The following DGKB variants were observed in gnomAD, a reference collection of about 807,000 sequenced individuals.
DGKB encodes 90 kDa diacylglycerol kinase.
In DGKB, 67 loss-of-function variants were observed where a neutral mutation model predicts 114.3. That is an observed-to-expected ratio of 0.59 (90% CI 0.48 to 0.72). The LOEUF (loss-of-function observed/expected upper bound fraction) is 0.72. DGKB is among the 30% of genes least tolerant of loss of function. DGKB has a pLI of 0.00. For synonymous variants in DGKB, 398 were observed against 323.1 expected (o/e 1.23, Z -2.49); for missense variants, 907 against 975.2 (o/e 0.93, Z 0.93).
chr7:14,233,019 A>G (rs1027687140), intron 23 of DGKB, among the ~76,000 whole-genome samples: 45 of 152,214 alleles, frequency 3.0e-4, no homozygotes, highest in Middle Eastern at 3.4e-3. Flanking sequence ...TTTTTGCTAC[A>G]CAAAGACTAT....
rs1476525234 is a variant in DGKB at position 14,755,127 on chromosome 7, T to C, written c.148-1179A>G. 2.6e-5 allele frequency among the ~76,000 whole-genome samples: 4 copies of C among 152,188 alleles called. No homozygotes were observed. The South Asian group carries it at 6.2e-4, about 24-fold the overall frequency. On this transcript the variant is annotated intron_variant, in intron 3 of 25. Transcript: ENST00000402815. ...TTGAATGGTTTTTATTCCTACAGAA[T>C]CTTTAAGGCTATTGTTTAGATTTCT...
chr7:14,726,241 GC>G (rs1480719124), intron 5 of DGKB, among the ~76,000 whole-genome samples: 1 of 152,106 alleles, frequency 6.6e-6, no homozygotes, highest in Non-Finnish European at 1.5e-5. Flanking sequence ...CCAGGTTCAA[GC>G]GATTCTCCTG....
chr7:14,443,545 T>C (rs527784307), intron 21 of DGKB, among the ~76,000 whole-genome samples: 29 of 152,202 alleles, frequency 1.9e-4, no homozygotes, highest in African/African-American at 6.3e-4. Flanking sequence ...CAATTATTTG[T>C]TTCAGAACTT....
At chr7:14,552,600 C>T (rs376953341) in intron 20 of DGKB, among the ~76,000 whole-genome samples, 1 of 152,142 alleles carries the variant, frequency 6.6e-6, no homozygotes, top group East Asian at 1.9e-4. Flanking sequence ...AATATGTCAC[C>T]ATGTTTTTTA....
At chr7:14,761,959 T>C (rs981075651) in intron 2 of DGKB, among the ~76,000 whole-genome samples, 25 of 152,226 alleles carry the variant, frequency 1.6e-4, no homozygotes, top group African/African-American at 5.8e-4. Flanking sequence ...CTTGGGGAAA[T>C]TCTGAAACAT....
chr7:14,952,527 T>A (rs987844910), intron 1 of DGKB, among the ~76,000 whole-genome samples: 2 of 149,294 alleles, frequency 1.3e-5, no homozygotes, highest in Non-Finnish European at 3.0e-5. Flanking sequence ...GCTGGAAGAG[T>A]TGAAATAATC....
chr7:14,272,146 CAACT>C (rs1476696109), intron 23 of DGKB, among the ~76,000 whole-genome samples: 7 of 152,100 alleles, frequency 4.6e-5, no homozygotes, highest in East Asian at 3.9e-4. Flanking sequence ...TCATGCTAAC[CAACT>C]GTTATTTATA....
At chr7:14,515,921 T>C (rs1259313457) in intron 20 of DGKB, among the ~76,000 whole-genome samples, 1 of 152,176 alleles carries the variant, frequency 6.6e-6, no homozygotes, top group Non-Finnish European at 1.5e-5. Context: ...CATGACTCTC[T>C]GCAGCCTTGA....
In DGKB at chr7:14,607,623, A is replaced by G. The variant is rs867512916; in HGVS notation, c.1359-115T>C. On this transcript the variant is annotated intron_variant, in intron 16 of 25. Coordinates refer to ENST00000402815, the MANE Select transcript of DGKB (RefSeq NM_001350709.2). ...GTTGCAATTAATTATATAATTTAAT[A>G]AAAAATTTCTATCAATTTAATAAAT... 1.1e-5 allele frequency: 4 copies of G among 353,794 alleles called. 1 individual carries two copies. Among genetic ancestry groups the G allele is most frequent in the Middle Eastern group, 8.6e-4 (1 of 1,160 alleles). 21.9% of individuals were successfully genotyped at this position (353,794 alleles called of 1,614,324 possible).
intron 21 of DGKB, among the ~76,000 whole-genome samples, chr7:14,450,036 A>G (rs1337157561): frequency 6.6e-6 from 1 of 152,056 alleles, no homozygotes; most frequent in Non-Finnish European, 1.5e-5. Flanking sequence ...GGCGACAGGA[A>G]CTAATTTTGA....
intron 1 of DGKB, among the ~76,000 whole-genome samples, chr7:14,922,719 ACT>A (rs1168946548): frequency 1.3e-5 from 2 of 151,922 alleles, no homozygotes; most frequent in Non-Finnish European, 2.9e-5. Context: ...TGATTTTAAA[ACT>A]CTTATGAAAT....
chr7:14,242,760 C>T (rs2128369072), intron 23 of DGKB, among the ~76,000 whole-genome samples: 2 of 152,144 alleles, frequency 1.3e-5, no homozygotes, highest in South Asian at 4.2e-4. Context: ...CCTTCATAAC[C>T]TCCAAGTCAA....
intron 21 of DGKB, among the ~76,000 whole-genome samples, chr7:14,414,718 C>A (rs1234515382): frequency 6.6e-6 from 1 of 151,992 alleles, no homozygotes; most frequent in Non-Finnish European, 1.5e-5. Flanking sequence ...TTTGTAGGTC[C>A]TGTGTAAGTG....
chr7:14,349,523 A>T (rs1285258279), intron 21 of DGKB, among the ~76,000 whole-genome samples: 2 of 152,178 alleles, frequency 1.3e-5, no homozygotes, highest in Admixed American at 6.6e-5. Context: ...TAGCAAACAT[A>T]TCACAAGAAA....
At chr7:14,507,996 G>C (rs1033719398) in intron 20 of DGKB, among the ~76,000 whole-genome samples, 10 of 152,014 alleles carry the variant, frequency 6.6e-5, no homozygotes, top group African/African-American at 2.2e-4. Context: ...GGCTACTGTG[G>C]GTAACAACAA....
intron 7 of DGKB, 125 bp downstream of exon 7, chr7:14,701,556 G>T: frequency 1.5e-6 from 1 of 665,134 alleles, no homozygotes; most frequent in Non-Finnish European, 2.7e-6. Context: ...AGATAAAAAT[G>T]CCATATGAGT....
At chr7:14,948,942 A>G (rs1041185224) in intron 1 of DGKB, among the ~76,000 whole-genome samples, 1 of 151,834 alleles carries the variant, frequency 6.6e-6, no homozygotes, top group South Asian at 2.1e-4. Flanking sequence ...AGAAAACAAG[A>G]AACAACTAAA....
At chr7:14,313,608 C>CG (rs1316533730) in intron 23 of DGKB, among the ~76,000 whole-genome samples, 4 of 152,206 alleles carry the variant, frequency 2.6e-5, no homozygotes, top group East Asian at 1.9e-4. Flanking sequence ...GAGATTATAT[C>CG]CGCACCTGGC....
chr7:14,182,733 G>A (rs368727618), intron 23 of DGKB, among the ~76,000 whole-genome samples: 23 of 152,302 alleles, frequency 1.5e-4, no homozygotes, highest in African/African-American at 5.3e-4. Flanking sequence ...CAGCTAATAA[G>A]TGGGTAATAT....
Sources: gnomAD v4.1 joint callset for allele counts (sites outside exome capture counted in the v4.1 genomes callset) on GRCh38, gnomAD v4.1.1 for gene constraint, MANE v1.5 for transcripts, NCBI Gene and HGNC (gene_info 2026-07-23, HGNC 2026-07-21) for gene names.